Variants in FBLIM1 observed in about 807,000 individuals in gnomAD.
The protein encoded by FBLIM1 is filamin-binding LIM protein 1.
Under a neutral mutation model 37.4 loss-of-function variants are expected in FBLIM1, and 29 were observed. The observed-to-expected ratio is 0.77, with a 90% CI of 0.58 to 1.06. The LOEUF (loss-of-function observed/expected upper bound fraction) is 1.06. FBLIM1 is among the 50% of genes least tolerant of loss of function. The pLI is 0.00. For synonymous variants in FBLIM1, 193 were observed against 199.0 expected, an observed-to-expected ratio of 0.97 and a Z score of 0.25; for missense variants, 449 against 505.6, an observed-to-expected ratio of 0.89 and a Z score of 1.07.
intron 7 of FBLIM1, chr1:15,776,946 G>A: frequency 4.0e-6 from 2 of 504,206 alleles, no homozygotes; most frequent in South Asian, 3.7e-5. Flanking sequence ...ACTGAACACA[G>A]TTCTCAATTC....
upstream of FBLIM1, among the ~76,000 whole-genome samples, chr1:15,757,254 G>A (rs1298389565): frequency 1.3e-5 from 2 of 152,188 alleles, no homozygotes; most frequent in African/African-American, 4.8e-5. The surrounding 1 kb of genome is among the most constrained non-coding windows in gnomAD (Gnocchi z 4.1). Flanking sequence ...ACCTGTTCTT[G>A]AGACTAGCAG....
Position 15,786,045 on chromosome 1 carries a change from T to C in FBLIM1, c.*1384T>C, listed in dbSNP as rs974243815. ...AACACAAACAAGCACTTCTCCAGTA[T>C]GGTGCCAGGACAGGTGTCCCTTCAG... On this transcript the variant is annotated 3_prime_UTR_variant, in exon 9 of 9. Transcript: ENST00000375766. The C allele has an allele frequency of 6.6e-6, 1 of 152,518 alleles. No homozygotes were observed. Among genetic ancestry groups the C allele is most frequent in the Non-Finnish European group, 1.5e-5 (1 of 68,288 alleles). 9.4% of individuals were successfully genotyped at this position (152,518 alleles called of 1,614,324 possible). A position where few individuals can be genotyped will look rare whatever the true frequency, so the allele number is the denominator to read the frequency against.
At chr1:15,774,590 A>T in intron 6 of FBLIM1, 28 bp from the exon 7 acceptor site, 1 of 1,590,808 alleles carries the variant, frequency 6.3e-7, no homozygotes, top group Non-Finnish European at 8.6e-7. Flanking sequence ...TGTGTCGTGG[A>T]TGGTTCTGGC....
At chr1:15,768,055 T>C (rs2069012093) in intron 4 of FBLIM1, among the ~76,000 whole-genome samples, 1 of 152,090 alleles carries the variant, frequency 6.6e-6, no homozygotes, top group African/African-American at 2.4e-5. Context: ...GCTAATTTAT[T>C]GTGCTTTTAT....
intron 6 of FBLIM1, among the ~76,000 whole-genome samples, chr1:15,773,220 T>C (rs1169434521): frequency 6.6e-6 from 1 of 151,752 alleles, no homozygotes; most frequent in Non-Finnish European, 1.5e-5. Flanking sequence ...ACCCTGTCTC[T>C]ACTAAAAATA....
chr1:15,767,433 TCCTCCCACCC>T lies in FBLIM1; in HGVS notation c.314_323del (p.Pro105HisfsTer26). The T allele has an allele frequency of 7.2e-7, 1 of 1,397,232 alleles. No individual in the cohort carries two copies. Among genetic ancestry groups the T allele is most frequent in the Non-Finnish European group, 9.6e-7 (1 of 1,037,942 alleles). 86.6% of individuals were successfully genotyped at this position (1,397,232 alleles called of 1,614,324 possible). A position where few individuals can be genotyped will look rare whatever the true frequency, so the allele number is the denominator to read the frequency against. ...GAGGACGTGCTTCCTGACCTGGACC[TCCTCCCACCC>T]CCTCCACCGCCCCCTCCAGTGCTTC... On this transcript the variant is annotated frameshift_variant, in exon 4 of 9. Transcript: ENST00000375766. LOFTEE classifies it high-confidence loss of function.
intron 6 of FBLIM1, among the ~76,000 whole-genome samples, chr1:15,774,262 G>A (rs969853604): frequency 1.3e-4 from 11 of 82,362 alleles, no homozygotes; most frequent in Non-Finnish European, 2.6e-4. Flanking sequence ...CTTCTTGTCT[G>A]TATGATAAAG....
rs766504539 is a variant in FBLIM1 at position 15,770,435 on chromosome 1, G to A, written c.568G>A (p.Val190Met). 4.2e-5 allele frequency: 68 copies of A among 1,613,380 alleles called. No homozygotes were observed. The African/African-American group carries it at 4.4e-4, about 10-fold the overall frequency. The part of the protein sequence containing the change: ...TDICAFCHKT[V>M]SPRELAVEAM... ...CATCTGTGCCTTCTGCCACAAGACC[G>A]TGTCCCCCCGAGAGCTGGCTGTGGA... is the stretch of plus-strand genomic sequence containing the variant. The change falls in exon 6 of 9, where the codon GTG (valine) becomes ATG (methionine). Residue 190 changes from valine to methionine, a missense_variant. Transcript: ENST00000375766.
At chr1:15,769,849 G>A (rs1339483027) in intron 5 of FBLIM1, among the ~76,000 whole-genome samples, 1 of 151,476 alleles carries the variant, frequency 6.6e-6, no homozygotes, top group African/African-American at 2.4e-5. Context: ...TTGGCCAGAT[G>A]GTCTCGATCT....
chr1:15,767,406 G>A lies in FBLIM1; in HGVS notation c.281G>A (p.Gly94Asp). 1 of 1,584,374 alleles carries A rather than the reference G, an allele frequency of 6.3e-7. No homozygotes were observed. The highest frequency in any genetic ancestry group is 8.6e-7 in the Non-Finnish European group (1 of 1,164,560). Reference protein sequence around the residue: ...GCPPPPPVLDGEDVLPDLDLL... With the variant: ...GCPPPPPVLDDEDVLPDLDLL... ...CCACCCCCTCCTCCTGTCCTGGATG[G>A]TGAGGACGTGCTTCCTGACCTGGAC... The change falls in exon 4 of 9, where the codon GGT becomes GAT. Residue 94 changes from glycine (G) to aspartate (D), a missense_variant. Physicochemically the swap from Gly to Asp is moderately conservative, Grantham distance 94. Coordinates refer to ENST00000375766, the MANE Select transcript of FBLIM1 (RefSeq NM_017556.4).
At chr1:15,782,810 CTTTTT>C (rs36050598) in intron 8 of FBLIM1, among the ~76,000 whole-genome samples, 2 of 132,598 alleles carry the variant, frequency 1.5e-5, no homozygotes, top group African/African-American at 5.7e-5. Flanking sequence ...TATAGGGACT[CTTTTT>C]TTTTTTTTTT....
chr1:15,784,668 C>G lies in FBLIM1; in HGVS notation c.*7C>G, dbSNP rs1417030177. On this transcript the variant is annotated 3_prime_UTR_variant, in exon 9 of 9. Transcript: ENST00000375766. ...TGCTGCGGGGTGCTGCTGAGAGTGC[C>G]CGCTGGGCAGTGAACAGACCACTAG... 6.2e-7 allele frequency: 1 copy of G among 1,613,252 alleles called. No individual in the cohort carries two copies. The highest frequency in any genetic ancestry group is 8.5e-7 in the Non-Finnish European group (1 of 1,179,344).
chr1:15,776,366 C>T lies in FBLIM1; in HGVS notation c.891-804C>T, dbSNP rs147471687. Among the ~76,000 whole-genome samples, 629 of 152,344 alleles carry T rather than the reference C, an allele frequency of 4.1e-3. 2 individuals carry two copies. The highest frequency in any genetic ancestry group is 0.014 in the African/African-American group (584 of 41,580). On this transcript the variant is annotated intron_variant, in intron 7 of 8. Coordinates refer to ENST00000375766, the MANE Select transcript of FBLIM1 (RefSeq NM_017556.4). ...CACAGCAGCTAAGTACCCAAAGTCT[C>T]TCCACAGGTAAGTATTGAAGCTCTT...
chr1:15,781,448 G>A (rs1009518895), intron 8 of FBLIM1, among the ~76,000 whole-genome samples: 8 of 150,974 alleles, frequency 5.3e-5, no homozygotes, highest in African/African-American at 1.7e-4. Flanking sequence ...TGGAGGCAGA[G>A]GTTGCAGTGA....
upstream of FBLIM1, chr1:15,758,208 CT>C (rs2068492271): frequency 6.6e-6 from 1 of 152,310 alleles, no homozygotes. This position sits in a 1 kb window ranked among gnomAD's most constrained non-coding sequence, Gnocchi z 6.2. Context: ...GCTACCTCCA[CT>C]TTACAGATGA....
At chr1:15,762,126 T>A (rs1210658426) in intron 1 of FBLIM1, among the ~76,000 whole-genome samples, 1 of 151,410 alleles carries the variant, frequency 6.6e-6, no homozygotes, top group African/African-American at 2.4e-5. Context: ...TTTCACTCTG[T>A]CACCTCGGCT....
At chr1:15,781,787 C>T (rs1439968694) in intron 8 of FBLIM1, among the ~76,000 whole-genome samples, 5 of 142,968 alleles carry the variant, frequency 3.5e-5, no homozygotes, top group African/African-American at 7.7e-5. Context: ...GGTGCAATCT[C>T]GGCTCACTGC....
rs1426498183 is a variant in FBLIM1 at position 15,784,950 on chromosome 1, TCA to T, written c.*291_*292del. The T allele has an allele frequency of 9.5e-6, 3 of 317,382 alleles. No individual in the cohort carries two copies. The highest frequency in any genetic ancestry group is 1.8e-5 in the Non-Finnish European group (3 of 168,884). 19.7% of individuals were successfully genotyped at this position (317,382 alleles called of 1,614,324 possible). A position where few individuals can be genotyped will look rare whatever the true frequency, so the allele number is the denominator to read the frequency against. ...AAAGCTGGGGGAGGTTGGACCCCTC[TCA>T]CTGACTAGCTGTCTGGTAGGGGTGC... On this transcript the variant is annotated 3_prime_UTR_variant, in exon 9 of 9. Coordinates refer to ENST00000375766, the MANE Select transcript of FBLIM1 (RefSeq NM_017556.4).
intron 8 of FBLIM1, 87 bp downstream of exon 8, chr1:15,777,374 G>C: frequency 1.2e-6 from 1 of 866,058 alleles, no homozygotes; most frequent in Non-Finnish European, 1.9e-6. Context: ...GACAGGTCAG[G>C]GTGGGGGCTG....
Sources: gnomAD v4.1 joint callset for allele counts (sites outside exome capture counted in the v4.1 genomes callset) on GRCh38, gnomAD v4.1.1 for gene constraint, Gnocchi (gnomAD v3.1) non-coding constraint, MANE v1.5 for transcripts, NCBI Gene and HGNC (gene_info 2026-07-23, HGNC 2026-07-21) for gene names.